The following SCAPER variants were observed in gnomAD, a reference collection of about 807,000 sequenced individuals.
SCAPER encodes the protein S-phase cyclin A associated protein in the ER.
A neutral mutation model predicts 182.2 loss-of-function variants in SCAPER; 98 were observed. That is an observed-to-expected ratio of 0.54 (90% CI 0.46 to 0.64). SCAPER has a LOEUF of 0.64. Ranked by LOEUF, SCAPER falls within the 30% of genes least tolerant of loss-of-function variation. The pLI is 0.00. For synonymous variants in SCAPER, 605 were observed against 564.6 expected, an observed-to-expected ratio of 1.07 and a Z score of -1.01; for missense variants, 1,432 against 1,690.0, an observed-to-expected ratio of 0.85 and a Z score of 2.68.
At chr15:76,539,192 G>A (rs2044490874) in intron 23 of SCAPER, among the ~76,000 whole-genome samples, 1 of 152,090 alleles carries the variant, frequency 6.6e-6, no homozygotes, top group African/African-American at 2.4e-5. Context: ...GGACTAAGGG[G>A]AAAATGTAAA....
rs984490946 is a variant in SCAPER at position 76,596,788 on chromosome 15, T to A, written c.2712-22504A>T. 1.7e-5 allele frequency among the ~76,000 whole-genome samples: 2 copies of A among 120,710 alleles called. 1 individual carries two copies. Among genetic ancestry groups the A allele is most frequent in the African/African-American group, 5.1e-5 (2 of 39,546 alleles). 79.2% of individuals were successfully genotyped at this position (120,710 alleles called of 152,430 possible). ...TTCATGCTAAAAACTCTCAATAAAGTAGGTATTGATGGAATGTATCTCAAA... is the reference window on the plus strand; with the variant it reads ...TTCATGCTAAAAACTCTCAATAAAGAAGGTATTGATGGAATGTATCTCAAA... On this transcript the variant is annotated intron_variant, in intron 22 of 31. Coordinates refer to ENST00000563290, the MANE Select transcript of SCAPER (RefSeq NM_020843.4).
At chr15:76,796,829 C>T (rs941377587) in intron 7 of SCAPER, among the ~76,000 whole-genome samples, 8 of 152,138 alleles carry the variant, frequency 5.3e-5, no homozygotes, top group South Asian at 2.1e-4. Flanking sequence ...TACTCCACTA[C>T]GGTTCAATTA....
intron 20 of SCAPER, among the ~76,000 whole-genome samples, chr15:76,691,067 G>A (rs943495159): frequency 5.9e-5 from 9 of 151,856 alleles, no homozygotes; most frequent in Non-Finnish European, 1.0e-4. Flanking sequence ...ACAAAAGCAC[G>A]TATTAAAAAA....
At chr15:76,672,156 A>G (rs770995138) in intron 20 of SCAPER, among the ~76,000 whole-genome samples, 31 of 152,334 alleles carry the variant, frequency 2.0e-4, no homozygotes, top group Non-Finnish European at 4.6e-4. Flanking sequence ...CCTAGCTAAA[A>G]GCAGAACAGG....
chr15:76,397,923 C>A (rs576675126), intron 27 of SCAPER, among the ~76,000 whole-genome samples: 1 of 152,140 alleles, frequency 6.6e-6, no homozygotes, highest in African/African-American at 2.4e-5. Context: ...GACGCTATTG[C>A]CGTTACCACA....
At chr15:76,587,330 G>A (rs1307190718) in intron 22 of SCAPER, among the ~76,000 whole-genome samples, 2 of 151,752 alleles carry the variant, frequency 1.3e-5, no homozygotes, top group South Asian at 2.1e-4. Context: ...CTTCTGCTGG[G>A]TTTGGGTTTG....
intron 15 of SCAPER, among the ~76,000 whole-genome samples, chr15:76,735,460 G>A (rs2061193437): frequency 6.6e-6 from 1 of 152,052 alleles, no homozygotes; most frequent in African/African-American, 2.4e-5. Flanking sequence ...TACTTTGGGA[G>A]GCCGAGACAG....
intron 17 of SCAPER, among the ~76,000 whole-genome samples, chr15:76,715,033 C>T (rs1448308505): frequency 6.6e-6 from 1 of 152,122 alleles, no homozygotes; most frequent in Admixed American, 6.5e-5. Flanking sequence ...CTATACCCTA[C>T]CACAAACGGC....
At chr15:76,659,863 A>C (rs2055984227) in intron 21 of SCAPER, among the ~76,000 whole-genome samples, 1 of 152,184 alleles carries the variant, frequency 6.6e-6, no homozygotes, top group Admixed American at 6.5e-5. Context: ...ACACAGAACA[A>C]CCATTTGACC....
chr15:76,798,047 G>A (rs1341619648), intron 7 of SCAPER, among the ~76,000 whole-genome samples: 1 of 151,954 alleles, frequency 6.6e-6, no homozygotes. Flanking sequence ...CTTTAAATCA[G>A]CTATTAACTA....
At chr15:76,462,571 TTTTG>T (rs374614245) in intron 25 of SCAPER, among the ~76,000 whole-genome samples, 33 of 152,312 alleles carry the variant, frequency 2.2e-4, no homozygotes, top group African/African-American at 7.7e-4. Context: ...CCTTTAATAA[TTTTG>T]TTTGCTTTAT....
intron 22 of SCAPER, among the ~76,000 whole-genome samples, chr15:76,575,242 G>A (rs1034458063): frequency 1.3e-5 from 2 of 152,026 alleles, no homozygotes; most frequent in African/African-American, 2.4e-5. Context: ...CAGGGGTGGG[G>A]GTGTGGGGGG....
chr15:76,621,732 AG>A, intron 22 of SCAPER, 31 bp downstream of exon 22: 1 of 1,558,544 alleles, frequency 6.4e-7, no homozygotes, highest in Non-Finnish European at 8.8e-7. Flanking sequence ...CATAGACTGA[AG>A]AAAAGGAGAA....
intron 26 of SCAPER, among the ~76,000 whole-genome samples, chr15:76,421,251 T>C (rs1305475003): frequency 6.6e-6 from 1 of 152,216 alleles, no homozygotes; most frequent in East Asian, 1.9e-4. Flanking sequence ...TGTAAAAGTG[T>C]TCCTATTTCT....
chr15:76,904,830 T>C (rs2074973960), intron 1 of SCAPER: 2 of 152,266 alleles, frequency 1.3e-5, no homozygotes, highest in Non-Finnish European at 2.9e-5. Flanking sequence ...TAAACCCCGC[T>C]GGGAATGACA....
intron 18 of SCAPER, among the ~76,000 whole-genome samples, chr15:76,705,320 T>C (rs1295560129): frequency 6.9e-6 from 1 of 145,040 alleles, no homozygotes; most frequent in Admixed American, 7.4e-5. Flanking sequence ...ACACCGCATG[T>C]TCTCACTCAT....
intron 27 of SCAPER, among the ~76,000 whole-genome samples, chr15:76,388,509 G>A (rs2043437115): frequency 6.6e-6 from 1 of 152,068 alleles, no homozygotes; most frequent in South Asian, 2.1e-4. Context: ...GGGCCGTTTG[G>A]TGTGGTATGA....
At chr15:76,607,848 G>A (rs910380352) in intron 22 of SCAPER, among the ~76,000 whole-genome samples, 1 of 152,152 alleles carries the variant, frequency 6.6e-6, no homozygotes, top group Non-Finnish European at 1.5e-5. Flanking sequence ...TAGCTCTTGT[G>A]CCTTGGTTTT....
At chr15:76,647,525 T>C (rs1327436470) in intron 21 of SCAPER, among the ~76,000 whole-genome samples, 1 of 152,184 alleles carries the variant, frequency 6.6e-6, no homozygotes, top group East Asian at 1.9e-4. Context: ...AAGGGTTAAG[T>C]AACCAAAACA....
Sources: gnomAD v4.1 joint callset for allele counts (sites outside exome capture counted in the v4.1 genomes callset) on GRCh38, gnomAD v4.1.1 for gene constraint, MANE v1.5 for transcripts, NCBI Gene and HGNC (gene_info 2026-07-23, HGNC 2026-07-21) for gene names.